NAALADL2: variants seen among roughly 807,000 people sequenced by gnomAD.
NAALADL2 encodes inactive N-acetylated-alpha-linked acidic dipeptidase-like protein 2.
In NAALADL2, 76 loss-of-function variants were observed where a neutral mutation model predicts 87.2. That is an observed-to-expected ratio of 0.87 (90% CI 0.72 to 1.05). NAALADL2 has a LOEUF of 1.05. Among genes scored for constraint, NAALADL2 ranks in the 50% least tolerant of loss-of-function variants. NAALADL2 has a pLI of 0.00. For synonymous variants in NAALADL2, 354 were observed against 331.0 expected (o/e 1.07, Z -0.75); for missense variants, 1,089 against 945.8 (o/e 1.15, Z -1.99).
chr3:174,900,917 T>C (rs1732230244), intron 1 of NAALADL2, among the ~76,000 whole-genome samples: 1 of 152,256 alleles, frequency 6.6e-6, no homozygotes, highest in Admixed American at 6.5e-5. Flanking sequence ...CTCTTTAACC[T>C]AAATTTATCA....
chr3:175,460,010 CAT>C lies in NAALADL2; in HGVS notation c.1235-3390_1235-3389del, dbSNP rs568556953. 865 of 318,350 alleles carry C rather than the reference CAT, an allele frequency of 2.7e-3. 5 individuals are homozygous for C. Among genetic ancestry groups the C allele is most frequent in the African/African-American group, 0.018 (821 of 45,254 alleles). 19.7% of individuals were successfully genotyped at this position (318,350 alleles called of 1,614,324 possible). ...TTCTCTAAGTCATTTCCCTGTTTCA[CAT>C]GTTTATGTTGTTTTCTGTTATTGCT... On this transcript the variant is annotated intron_variant, in intron 6 of 13. Coordinates refer to ENST00000454872, the MANE Select transcript of NAALADL2 (RefSeq NM_207015.3).
chr3:175,639,990 C>T (rs1999588), intron 11 of NAALADL2, among the ~76,000 whole-genome samples: 39,321 of 151,944 alleles, frequency 0.26, 5,864 homozygotes, highest in African/African-American at 0.42. Flanking sequence ...GTAGTTAGTG[C>T]GTGAACTAGA....
intron 2 of NAALADL2, among the ~76,000 whole-genome samples, chr3:175,218,518 TAAGTTAAATTTTATAAAG>T (rs1327703512): frequency 0.012 from 1,837 of 152,242 alleles, 43 homozygotes; most frequent in African/African-American, 0.043. Context: ...ATACAAACCT[TAAGTTAAATTTTATAAAG>T]TGAACTTACC....
chr3:175,661,329 T>A (rs1732222249), intron 11 of NAALADL2, among the ~76,000 whole-genome samples: 1 of 152,002 alleles, frequency 6.6e-6, no homozygotes, highest in South Asian at 2.1e-4. Flanking sequence ...TCTTTTCACG[T>A]CTTTTTCCCA....
intron 2 of NAALADL2, among the ~76,000 whole-genome samples, chr3:174,555,974 CGTGTGT>C (rs66968495): frequency 1.7e-3 from 242 of 142,610 alleles, no homozygotes; most frequent in African/African-American, 4.0e-3. Context: ...CCTTATCCTC[CGTGTGT>C]GTGTGTGTGT....
rs556543490 is a variant in NAALADL2 at position 175,069,269 on chromosome 3, A to G, written c.44-27521A>G. On this transcript the variant is annotated intron_variant, in intron 1 of 13. Transcript: ENST00000454872. ...ATTTTCGCAACCTACTCATCTGACA[A>G]AGGGCTAATATCCAGAATCTACAAT... Among the ~76,000 whole-genome samples the G allele has an allele frequency of 5.6e-3, 842 of 149,982 alleles. 9 individuals carry two copies. The highest frequency in any genetic ancestry group is 8.8e-3 in the Non-Finnish European group (597 of 67,900).
chr3:174,743,975 G>C (rs1186074965), intron 3 of NAALADL2, among the ~76,000 whole-genome samples: 3 of 151,826 alleles, frequency 2.0e-5, no homozygotes, highest in Non-Finnish European at 2.9e-5. Flanking sequence ...TATTTAGCAG[G>C]AGATATTTTT....
intron 3 of NAALADL2, among the ~76,000 whole-genome samples, chr3:174,839,222 A>G (rs1476807444): frequency 2.6e-5 from 4 of 152,114 alleles, no homozygotes; most frequent in African/African-American, 9.7e-5. Context: ...TTGACAAAGC[A>G]AACAAAAACA....
chr3:175,113,895 C>A (rs1353515949), intron 2 of NAALADL2, among the ~76,000 whole-genome samples: 3 of 151,610 alleles, frequency 2.0e-5, no homozygotes, highest in Admixed American at 1.3e-4. Flanking sequence ...CTGTTTGTTA[C>A]ATACACAGTC....
chr3:175,002,827 C>T (rs1748424952), intron 1 of NAALADL2, among the ~76,000 whole-genome samples: 1 of 152,092 alleles, frequency 6.6e-6, no homozygotes, highest in Admixed American at 6.5e-5. Flanking sequence ...GAAACAGTTT[C>T]CTACAGGAAT....
intron 12 of NAALADL2, among the ~76,000 whole-genome samples, chr3:175,748,303 A>C (rs2150116047): frequency 6.6e-6 from 1 of 152,358 alleles, no homozygotes; most frequent in Middle Eastern, 3.4e-3. Context: ...AGCATGAAGA[A>C]TAGAAAATGT....
intron 1 of NAALADL2, among the ~76,000 whole-genome samples, chr3:175,026,259 G>T (rs527873955): frequency 1.3e-5 from 2 of 151,936 alleles, no homozygotes; most frequent in African/African-American, 4.8e-5. Flanking sequence ...GCATATTTTC[G>T]TGTAATCTCA....
chr3:175,198,537 C>T (rs1042523307), intron 2 of NAALADL2, among the ~76,000 whole-genome samples: 1 of 152,032 alleles, frequency 6.6e-6, no homozygotes, highest in African/African-American at 2.4e-5. Context: ...GATTTATACA[C>T]TCACGTAATT....
At chr3:175,287,666 G>T (rs1755151420) in intron 4 of NAALADL2, among the ~76,000 whole-genome samples, 1 of 152,162 alleles carries the variant, frequency 6.6e-6, no homozygotes, top group South Asian at 2.1e-4. Context: ...AGAGCTAAAA[G>T]TTTATCCAGA....
chr3:175,600,166 A>G (rs1722762164), intron 10 of NAALADL2, among the ~76,000 whole-genome samples: 1 of 151,968 alleles, frequency 6.6e-6, no homozygotes, highest in Admixed American at 6.6e-5. Context: ...TACACTTGAT[A>G]TATAATCAAA....
intron 2 of NAALADL2, among the ~76,000 whole-genome samples, chr3:175,214,350 A>G (rs1018803418): frequency 1.3e-5 from 2 of 152,210 alleles, no homozygotes; most frequent in African/African-American, 2.4e-5. Context: ...ACTTTCAGCA[A>G]TGCTGTAAAA....
intron 2 of NAALADL2, among the ~76,000 whole-genome samples, chr3:174,647,507 A>G (rs1393347774): frequency 6.6e-6 from 1 of 152,128 alleles, no homozygotes; most frequent in Non-Finnish European, 1.5e-5. Flanking sequence ...ATTTTTTGAG[A>G]CAATCTCAAA....
chr3:175,385,007 A>G (rs9846839), intron 5 of NAALADL2, among the ~76,000 whole-genome samples: 32,052 of 151,948 alleles, frequency 0.21, 4,080 homozygotes, highest in East Asian at 0.5. Flanking sequence ...TCCTATGTCA[A>G]CTGGGACCTC....
At chr3:174,470,899 C>T (rs1716855373) in intron 1 of NAALADL2, among the ~76,000 whole-genome samples, 1 of 152,080 alleles carries the variant, frequency 6.6e-6, no homozygotes, top group Admixed American at 6.5e-5. Flanking sequence ...TGTTTTAATG[C>T]TTCCTTTTTG....
Sources: allele counts gnomAD v4.1 joint callset (sites outside exome capture counted in the v4.1 genomes callset), GRCh38; gene constraint gnomAD v4.1.1; transcripts MANE v1.5; gene names NCBI Gene and HGNC (gene_info 2026-07-23, HGNC 2026-07-21).